ERBB4: variants seen among roughly 807,000 people sequenced by gnomAD.
ERBB4 encodes the protein erb-b2 receptor tyrosine kinase 4.
ERBB4 carries 42 observed loss-of-function variants against 158.0 expected under a neutral mutation model. That is an observed-to-expected ratio of 0.27 (90% confidence interval 0.21 to 0.34). The LOEUF is 0.34. ERBB4 is among the 10% of genes least tolerant of loss of function. The pLI is 1.00. For missense variants in ERBB4, 1,333 were observed against 1,624.1 expected (o/e 0.82, Z 3.08); for synonymous variants, 583 against 558.7 (o/e 1.04, Z -0.61).
At chr2:212,228,483 A>G (rs947347081) in intron 1 of ERBB4, among the ~76,000 whole-genome samples, 5 of 152,198 alleles carry the variant, frequency 3.3e-5, no homozygotes, top group Non-Finnish European at 5.9e-5. Context: ...TGAATCTTCA[A>G]GGTCTTCAAT....
At chr2:212,162,847 T>C (rs1208486970) in intron 1 of ERBB4, among the ~76,000 whole-genome samples, 1 of 151,994 alleles carries the variant, frequency 6.6e-6, no homozygotes, top group African/African-American at 2.4e-5. Context: ...TACCTTCTAA[T>C]CTTATGAATT....
intron 16 of ERBB4, among the ~76,000 whole-genome samples, chr2:211,641,801 G>T (rs1182428434): frequency 2.6e-5 from 4 of 151,912 alleles, no homozygotes; most frequent in African/African-American, 7.2e-5. Flanking sequence ...AAGAATATTT[G>T]TTTTTAGTAC....
At chr2:211,848,558 C>A (rs1367186873) in intron 3 of ERBB4, among the ~76,000 whole-genome samples, 1 of 151,952 alleles carries the variant, frequency 6.6e-6, no homozygotes, top group Non-Finnish European at 1.5e-5. Context: ...AATGTGTATC[C>A]TCATGTATAA....
chr2:212,178,105 C>T (rs999033213), intron 1 of ERBB4, among the ~76,000 whole-genome samples: 2 of 151,212 alleles, frequency 1.3e-5, no homozygotes, highest in African/African-American at 4.8e-5. Flanking sequence ...TAGATAAGGC[C>T]GAAATATAAG....
intron 5 of ERBB4, among the ~76,000 whole-genome samples, chr2:211,732,344 T>G (rs1488499677): frequency 1.3e-5 from 2 of 149,398 alleles, no homozygotes; most frequent in African/African-American, 4.8e-5. Context: ...TTAAAAAGGC[T>G]CTCAGAGGTC....
intron 2 of ERBB4, among the ~76,000 whole-genome samples, chr2:212,069,589 G>A (rs2078049797): frequency 6.6e-6 from 1 of 151,922 alleles, no homozygotes; most frequent in African/African-American, 2.4e-5. Flanking sequence ...TTTTTAAAAG[G>A]TGTTCGGTTT....
chr2:211,483,130 G>T (rs10932376), intron 20 of ERBB4, among the ~76,000 whole-genome samples: 108,891 of 151,838 alleles, frequency 0.72, 40,775 homozygotes, highest in South Asian at 0.85. Context: ...AGAAAAAAAC[G>T]AATGAACTTG....
intron 3 of ERBB4, among the ~76,000 whole-genome samples, chr2:211,932,700 C>T (rs946425689): frequency 2.6e-5 from 4 of 151,802 alleles, no homozygotes; most frequent in Non-Finnish European, 5.9e-5. Context: ...TTTAAAAATA[C>T]AAAATTTTGT....
At chr2:211,713,484 A>G (rs758167035) in intron 8 of ERBB4, 51 bp downstream of exon 8, 2 of 1,135,622 alleles carry the variant, frequency 1.8e-6, no homozygotes, top group Admixed American at 3.4e-5. Flanking sequence ...TGAATTAAAA[A>G]CCTTGTTATA....
At chr2:211,796,907 A>C (rs1292556762) in intron 3 of ERBB4, among the ~76,000 whole-genome samples, 1 of 151,946 alleles carries the variant, frequency 6.6e-6, no homozygotes, top group East Asian at 1.9e-4. Flanking sequence ...ATCTGGTTCA[A>C]TGTTTTGAAA....
chr2:212,174,040 A>G (rs2081591746), intron 1 of ERBB4, among the ~76,000 whole-genome samples: 1 of 152,118 alleles, frequency 6.6e-6, no homozygotes, highest in Non-Finnish European at 1.5e-5. Context: ...CTGTCTCAGT[A>G]AAGGTCTGCC....
intron 2 of ERBB4, among the ~76,000 whole-genome samples, chr2:212,112,132 C>T (rs1461769910): frequency 6.6e-6 from 1 of 152,118 alleles, no homozygotes; most frequent in Non-Finnish European, 1.5e-5. Flanking sequence ...TCAAATGATC[C>T]TCCCATCTTA....
At chr2:211,650,852 C>T (rs988706085) in intron 16 of ERBB4, among the ~76,000 whole-genome samples, 14 of 152,076 alleles carry the variant, frequency 9.2e-5, no homozygotes, top group Non-Finnish European at 2.1e-4. Flanking sequence ...TTTATATTCC[C>T]TTTTTCATAC....
intron 1 of ERBB4, among the ~76,000 whole-genome samples, chr2:212,373,786 CACGT>C (rs772075394): frequency 7.2e-4 from 67 of 93,308 alleles, no homozygotes; most frequent in Non-Finnish European, 9.3e-4. Context: ...TGTATATATC[CACGT>C]ATATATATCC....
chr2:211,861,020 A>T (rs1186201357), intron 3 of ERBB4, among the ~76,000 whole-genome samples: 1 of 9,956 alleles, frequency 1.0e-4, no homozygotes, highest in Non-Finnish European at 1.7e-4. Flanking sequence ...ATATATTTAT[A>T]TATATATAAA....
intron 5 of ERBB4, among the ~76,000 whole-genome samples, chr2:211,727,942 T>A (rs2074317645): frequency 6.6e-6 from 1 of 151,960 alleles, no homozygotes; most frequent in South Asian, 2.1e-4. Context: ...TATATCTGGG[T>A]TTGTGAACGT....
At chr2:211,652,500 GA>G (rs200414369) in intron 16 of ERBB4, among the ~76,000 whole-genome samples, 3,314 of 150,786 alleles carry the variant, frequency 0.022, 136 homozygotes, top group African/African-American at 0.076. Flanking sequence ...AACAAACAAG[GA>G]AAAAAAAATG....
At chr2:212,026,649 G>A (rs546438275) in intron 2 of ERBB4, among the ~76,000 whole-genome samples, 1 of 151,882 alleles carries the variant, frequency 6.6e-6, no homozygotes, top group African/African-American at 2.4e-5. Context: ...TTTCAAAATG[G>A]AATATGAATC....
chr2:212,535,982 T>A (rs1409295013), intron 1 of ERBB4, among the ~76,000 whole-genome samples: 1 of 152,212 alleles, frequency 6.6e-6, no homozygotes, highest in Non-Finnish European at 1.5e-5. Flanking sequence ...GCGTGTCTAA[T>A]AATGCGAGAA....
Sources: gnomAD v4.1 joint callset for allele counts (sites outside exome capture counted in the v4.1 genomes callset) on GRCh38, gnomAD v4.1.1 for gene constraint, MANE v1.5 for transcripts, NCBI Gene and HGNC (gene_info 2026-07-23, HGNC 2026-07-21) for gene names.